The following MIS18A variants were observed in gnomAD, a reference collection of about 807,000 sequenced individuals.
The protein encoded by MIS18A is protein Mis18-alpha.
MIS18A carries 14 observed loss-of-function variants against 25.0 expected under a neutral mutation model. That is an observed-to-expected ratio of 0.56 (90% CI 0.37 to 0.88). The LOEUF is 0.88. Among genes scored for constraint, MIS18A ranks in the 40% least tolerant of loss-of-function variants. The pLI, the probability that MIS18A is intolerant of heterozygous loss-of-function variation, is 0.00. For missense variants in MIS18A, 292 were observed against 290.8 expected (o/e 1.00, Z -0.03); for synonymous variants, 134 against 118.6 (o/e 1.13, Z -0.84).
At chr21:32,162,905 G>A in the MIS18A span, among the ~76,000 whole-genome samples, 1 of 152,118 alleles carries the variant, frequency 6.6e-6, no homozygotes, top group Non-Finnish European at 1.5e-5. Context: ...GCATCTTGTT[G>A]GATCCATGGA....
At chr21:32,224,120 A>T in the MIS18A span, among the ~76,000 whole-genome samples, 9 of 152,084 alleles carry the variant, frequency 5.9e-5, no homozygotes, top group South Asian at 1.9e-3. Flanking sequence ...TATTGATGGG[A>T]CATATTTCAA....
the MIS18A span, among the ~76,000 whole-genome samples, chr21:32,253,975 G>A: frequency 1.3e-5 from 2 of 152,306 alleles, no homozygotes; most frequent in South Asian, 4.1e-4. Flanking sequence ...GGTGGCTCAC[G>A]CCTGTAATTC....
chr21:32,263,168 G>C, the MIS18A span, among the ~76,000 whole-genome samples: 1 of 152,246 alleles, frequency 6.6e-6, no homozygotes, highest in African/African-American at 2.4e-5. Flanking sequence ...CAACTGCCCA[G>C]TTATTTATCC....
At chr21:32,276,001 C>G (rs990519714) in intron 1 of MIS18A, among the ~76,000 whole-genome samples, 1 of 152,138 alleles carries the variant, frequency 6.6e-6, no homozygotes, top group Admixed American at 6.5e-5. Flanking sequence ...AACGTACTCA[C>G]TAGAACAGAT....
chr21:32,217,084 C>T, the MIS18A span, among the ~76,000 whole-genome samples: 4 of 151,782 alleles, frequency 2.6e-5, no homozygotes. Context: ...AATTATGAGA[C>T]ATACAAAGAA....
At chr21:32,229,876 A>C in the MIS18A span, among the ~76,000 whole-genome samples, 4 of 152,162 alleles carry the variant, frequency 2.6e-5, no homozygotes, top group Non-Finnish European at 5.9e-5. Context: ...CAATTTCTTA[A>C]AGTTCTGCTT....
At chr21:32,230,110 T>A in the MIS18A span, among the ~76,000 whole-genome samples, 5 of 152,254 alleles carry the variant, frequency 3.3e-5, no homozygotes, top group Non-Finnish European at 7.3e-5. Flanking sequence ...AAGTTCCAGA[T>A]AGGTCTGCCA....
the MIS18A span, among the ~76,000 whole-genome samples, chr21:32,228,859 A>G: frequency 6.6e-6 from 1 of 152,228 alleles, no homozygotes; most frequent in Non-Finnish European, 1.5e-5. Flanking sequence ...AAATTAAGGA[A>G]GGCTAAATAG....
At chr21:32,173,642 C>T in the MIS18A span, among the ~76,000 whole-genome samples, 1 of 151,946 alleles carries the variant, frequency 6.6e-6, no homozygotes, top group Non-Finnish European at 1.5e-5. Flanking sequence ...ACCTTAAAAA[C>T]AATAAGTGGA....
intron 2 of MIS18A, among the ~76,000 whole-genome samples, chr21:32,273,644 T>C (rs553661700): frequency 6.6e-6 from 1 of 152,258 alleles, no homozygotes; most frequent in African/African-American, 2.4e-5. Context: ...CATGTATAAG[T>C]TGAAATGGTA....
chr21:32,184,241 G>GCCGC, the MIS18A span, among the ~76,000 whole-genome samples: 9 of 152,180 alleles, frequency 5.9e-5, no homozygotes, highest in Non-Finnish European at 1.3e-4. Context: ...TGCTTGTTTG[G>GCCGC]CCGCCTACTC....
the MIS18A span, among the ~76,000 whole-genome samples, chr21:32,166,444 T>C: frequency 6.6e-6 from 1 of 151,952 alleles, no homozygotes; most frequent in Non-Finnish European, 1.5e-5. Flanking sequence ...ACAGGGAAAA[T>C]GCAAAATGAG....
rs536274795 is a variant in MIS18A, at chr21:32,277,633, C to G, written c.334+1048G>C. 1.2e-4 allele frequency among the ~76,000 whole-genome samples: 18 copies of G among 152,074 alleles called. No individual in the cohort carries two copies. The South Asian group carries it at 1.5e-3, about 12-fold the overall frequency. On this transcript the variant is annotated intron_variant, in intron 1 of 4. Transcript: ENST00000290130. ...ATGCCCGGCTAATTTTTTATTTTGG[C>G]GAGGCTGATCTGGAATTTTTGTATT...
At chr21:32,274,697 T>A (rs2031777857) in intron 2 of MIS18A, 133 bp downstream of exon 2, 2 of 687,126 alleles carry the variant, frequency 2.9e-6, no homozygotes, top group Non-Finnish European at 2.5e-6. Flanking sequence ...AGAACTGATA[T>A]ATGCGAACGA....
the MIS18A span, among the ~76,000 whole-genome samples, chr21:32,254,790 A>G: frequency 6.6e-6 from 1 of 152,168 alleles, no homozygotes; most frequent in Non-Finnish European, 1.5e-5. Context: ...CAGATTTAAC[A>G]GCCTCAGTTC....
At chr21:32,176,085 A>G in the MIS18A span, among the ~76,000 whole-genome samples, 3 of 152,198 alleles carry the variant, frequency 2.0e-5, no homozygotes, top group Non-Finnish European at 2.9e-5. Context: ...GTCTTCTGGA[A>G]TACCTCCCGA....
At chr21:32,275,838 C>T (rs2031798003) in intron 1 of MIS18A, among the ~76,000 whole-genome samples, 1 of 152,132 alleles carries the variant, frequency 6.6e-6, no homozygotes, top group Non-Finnish European at 1.5e-5. Context: ...TCACAAACTT[C>T]ACTCCAGCCC....
intron 3 of MIS18A, 82 bp downstream of exon 3, chr21:32,270,325 G>C: frequency 1.3e-6 from 2 of 1,489,408 alleles, no homozygotes; most frequent in Non-Finnish European, 9.2e-7. Context: ...TAACCAAACA[G>C]TATTGATTTA....
chr21:32,177,898 CTTTT>C, the MIS18A span, among the ~76,000 whole-genome samples: 1 of 92,478 alleles, frequency 1.1e-5, no homozygotes, highest in East Asian at 3.2e-4. Context: ...AAAATCCTGG[CTTTT>C]TTTTTCTTTT....
Sources: gnomAD v4.1 joint callset for allele counts (sites outside exome capture counted in the v4.1 genomes callset) on GRCh38, gnomAD v4.1.1 for gene constraint, MANE v1.5 for transcripts, NCBI Gene and HGNC (gene_info 2026-07-23, HGNC 2026-07-21) for gene names.